The following DYNLT5 variants were observed in gnomAD, a reference collection of about 807,000 sequenced individuals.
The protein encoded by DYNLT5 is dynein light chain Tctex-type 5.
A neutral mutation model predicts 19.3 loss-of-function variants in DYNLT5; 25 were observed. The observed-to-expected ratio is 1.30, with a 90% CI of 0.95 to 1.81. The LOEUF (loss-of-function observed/expected upper bound fraction) is 1.81, where lower values mean the gene tolerates loss of function less well. Ranked by LOEUF, DYNLT5 falls within the 40% of genes most tolerant of loss-of-function variation. The pLI is 0.00. For synonymous variants in DYNLT5, 82 were observed against 68.9 expected, an observed-to-expected ratio of 1.19 and a Z score of -0.94; for missense variants, 232 against 217.9, an observed-to-expected ratio of 1.06 and a Z score of -0.41.
In DYNLT5 at chr1:66,754,734, A is replaced by C; in HGVS notation, c.76A>C (p.Asn26His). The C allele has an allele frequency of 1.2e-6, 2 of 1,613,238 alleles. No individual in the cohort carries two copies. The highest frequency in any genetic ancestry group is 1.7e-6 in the Non-Finnish European group (2 of 1,179,706). Residue 26 changes from asparagine to histidine, a missense_variant, in exon 2 of 5, where the codon AAT (asparagine) becomes CAT (histidine). By Grantham distance (68) the Asn-to-His change is moderately conservative. Coordinates refer to ENST00000282670, the MANE Select transcript of DYNLT5 (RefSeq NM_152665.3). ...AAGAGGGAGTATTTCTTCTCTAAGT[A>C]ATCATGAATTTTGGCGAAAGGAAAT... is the stretch of plus-strand genomic sequence containing the variant. ...KKRGSISSLS[N>H]HEFWRKEIHG...
chr1:66,762,288 G>A (rs1346395907), intron 2 of DYNLT5, among the ~76,000 whole-genome samples: 3 of 152,030 alleles, frequency 2.0e-5, no homozygotes, highest in Non-Finnish European at 4.4e-5. Flanking sequence ...CAAACATTTA[G>A]TATTTCTTCC....
chr1:66,767,208 T>C lies in DYNLT5; in HGVS notation c.120-3179T>C, dbSNP rs1277861311. Among the ~76,000 whole-genome samples, 5 of 152,142 alleles carry C rather than the reference T, an allele frequency of 3.3e-5. No homozygotes were observed. In the East Asian group the frequency reaches 7.7e-4, roughly 23 times the overall value. ...GAAAATTTACTCCTCAAAGCCCCAG[T>C]TCCTCTCTAAAACTAATTCCAAGTT... On this transcript the variant is annotated intron_variant, in intron 2 of 4. Transcript: ENST00000282670.
intron 2 of DYNLT5, among the ~76,000 whole-genome samples, chr1:66,763,217 C>G (rs1244148787): frequency 2.0e-5 from 3 of 152,176 alleles, no homozygotes; most frequent in Non-Finnish European, 4.4e-5. Flanking sequence ...TAGGTCTCAA[C>G]AGTGGGCTTA....
At chr1:66,775,772 A>G (rs776052912) in intron 3 of DYNLT5, among the ~76,000 whole-genome samples, 4 of 152,198 alleles carry the variant, frequency 2.6e-5, no homozygotes, top group Non-Finnish European at 5.9e-5. Context: ...TTGAAAACTA[A>G]AGAGCAAGAG....
chr1:66,777,158 A>G, intron 4 of DYNLT5, 93 bp from the exon 5 acceptor site: 1 of 1,064,284 alleles, frequency 9.4e-7, no homozygotes, highest in Non-Finnish European at 1.4e-6. Flanking sequence ...GCATCATGCT[A>G]TTAAATTAAA....
At chr1:66,776,560 G>GTGTGTGTGT (rs1557875500) in intron 4 of DYNLT5, among the ~76,000 whole-genome samples, 157 bp downstream of exon 4, 4 of 126,692 alleles carry the variant, frequency 3.2e-5, no homozygotes, top group African/African-American at 1.1e-4. Flanking sequence ...TGTGTGTGTG[G>GTGTGTGTGT]GTGTGTGTGT....
chr1:66,769,946 C>T (rs1162096163), intron 2 of DYNLT5, among the ~76,000 whole-genome samples: 1 of 152,032 alleles, frequency 6.6e-6, no homozygotes, highest in Non-Finnish European at 1.5e-5. Flanking sequence ...TATAATACTC[C>T]ATGTGTATAT....
intron 2 of DYNLT5, among the ~76,000 whole-genome samples, chr1:66,760,189 A>G (rs919420970): frequency 1.3e-5 from 2 of 152,120 alleles, no homozygotes; most frequent in African/African-American, 4.8e-5. Flanking sequence ...ATCACCTTTT[A>G]TCATAATATA....
intron 2 of DYNLT5, chr1:66,768,597 G>C (rs187728184): frequency 5.6e-4 from 85 of 152,304 alleles, no homozygotes; most frequent in Non-Finnish European, 1.0e-3. Context: ...TTCAGTAACT[G>C]ATAGTGAAGA....
intron 2 of DYNLT5, among the ~76,000 whole-genome samples, chr1:66,755,925 T>TGCC (rs2094635313): frequency 1.3e-5 from 2 of 152,244 alleles, no homozygotes; most frequent in Non-Finnish European, 2.9e-5. Context: ...ATTTAAGTAA[T>TGCC]AGTCTGACAT....
At chr1:66,755,906 C>T (rs2094635284) in intron 2 of DYNLT5, 1 of 152,116 alleles carries the variant, frequency 6.6e-6, no homozygotes, top group Admixed American at 6.5e-5. Context: ...TTACGTTTTC[C>T]AAGAAACTAT....
chr1:66,769,559 A>T (rs1034761749), intron 2 of DYNLT5, among the ~76,000 whole-genome samples: 1 of 152,004 alleles, frequency 6.6e-6, no homozygotes, highest in African/African-American at 2.4e-5. Context: ...ACACACACAC[A>T]TGCTATTATA....
rs375962524 is a variant in DYNLT5 at position 66,777,287 on chromosome 1, C to T, written c.373C>T (p.Arg125Trp). 2.5e-5 allele frequency: 41 copies of T among 1,612,782 alleles called. No homozygotes were observed. The highest frequency in any genetic ancestry group is 1.6e-4 in the Middle Eastern group (1 of 6,076). The change falls in exon 5 of 5, where the codon CGG becomes TGG. Residue 125 changes from arginine to tryptophan, a missense_variant. Transcript: ENST00000282670. The stretch of plus-strand genomic sequence containing the variant: ...CCAGGTCAAGGACTTGATGATTCCA[C>T]GGTATAAACTAATTGTGATTGTTCA... ...KAQVKDLMIP[R>W]YKLIVIVHIG...
intron 2 of DYNLT5, among the ~76,000 whole-genome samples, chr1:66,762,270 C>T (rs2094647267): frequency 6.6e-6 from 1 of 152,040 alleles, no homozygotes; most frequent in Non-Finnish European, 1.5e-5. Flanking sequence ...TTAGCATATC[C>T]ATTATCTCAA....
chr1:66,777,616 G>T lies in DYNLT5; in HGVS notation c.*162G>T. 1 of 552,698 alleles carries T rather than the reference G, an allele frequency of 1.8e-6. No homozygotes were observed. The highest frequency in any genetic ancestry group is 3.1e-6 in the Non-Finnish European group (1 of 326,556). The allele number at this position is 552,698 out of a possible 1,614,324, so 34.2% of individuals were successfully genotyped here. On this transcript the variant is annotated 3_prime_UTR_variant, in exon 5 of 5. Coordinates refer to ENST00000282670, the MANE Select transcript of DYNLT5 (RefSeq NM_152665.3). ...TTTCATATTCTAGTAAAGATTTGGG[G>T]AGGGGAGGGTAGCCACAGAAAGAAT...
intron 2 of DYNLT5, among the ~76,000 whole-genome samples, chr1:66,764,154 C>T (rs1401823252): frequency 6.6e-6 from 1 of 152,140 alleles, no homozygotes. Context: ...TACCACTGCA[C>T]TCCAACCTGG....
chr1:66,760,398 T>C (rs2094643905), intron 2 of DYNLT5, among the ~76,000 whole-genome samples: 2 of 152,164 alleles, frequency 1.3e-5, no homozygotes, highest in Admixed American at 1.3e-4. Context: ...AATTGTTGCA[T>C]TTTATCAATT....
At chr1:66,777,114 C>A (rs980124919) in intron 4 of DYNLT5, 137 bp from the exon 5 acceptor site, 2 of 726,360 alleles carry the variant, frequency 2.8e-6, no homozygotes, top group Non-Finnish European at 4.3e-6. Context: ...ATCATACTTA[C>A]GGTTCTAAAA....
At chr1:66,763,825 CA>C (rs2094649982) in intron 2 of DYNLT5, among the ~76,000 whole-genome samples, 1 of 152,164 alleles carries the variant, frequency 6.6e-6, no homozygotes, top group African/African-American at 2.4e-5. Flanking sequence ...TTCTCCAAAT[CA>C]GCAATAAGGT....
Sources: allele counts gnomAD v4.1 joint callset (sites outside exome capture counted in the v4.1 genomes callset), GRCh38; gene constraint gnomAD v4.1.1; transcripts MANE v1.5; gene names NCBI Gene and HGNC (gene_info 2026-07-23, HGNC 2026-07-21).